The following AMPD1 variants were observed in gnomAD, a reference collection of about 807,000 sequenced individuals.
AMPD1 encodes AMP deaminase 1.
AMPD1 carries 74 observed loss-of-function variants against 82.9 expected under a neutral mutation model. The ratio of observed to expected loss-of-function variants is 0.89; its 90% CI spans 0.74 to 1.08. The LOEUF (loss-of-function observed/expected upper bound fraction) is 1.08, where lower values mean the gene tolerates loss of function less well. Among genes scored for constraint, AMPD1 ranks in the 50% least tolerant of loss-of-function variants. The pLI, the probability that AMPD1 is intolerant of heterozygous loss-of-function variation, is 0.00. For synonymous variants in AMPD1, 333 were observed against 320.5 expected (o/e 1.04, Z -0.42); for missense variants, 881 against 924.5 (o/e 0.95, Z 0.61).
chr1:114,685,018 G>A (rs1658269115), intron 4 of AMPD1, among the ~76,000 whole-genome samples: 1 of 152,158 alleles, frequency 6.6e-6, no homozygotes, highest in African/African-American at 2.4e-5. Context: ...CCAACTCCTG[G>A]TTGGGCCAGG....
intron 3 of AMPD1, among the ~76,000 whole-genome samples, chr1:114,687,959 C>G (rs1658369030): frequency 6.6e-6 from 1 of 151,968 alleles, no homozygotes; most frequent in Admixed American, 6.6e-5. Flanking sequence ...AGCCATTTGC[C>G]CACTTTGGTC....
In AMPD1 at chr1:114,677,964, G is replaced by A. The variant is rs566349141; in HGVS notation, c.1170C>T (p.Leu390=). ...NPVGASELRD[L]YLKTDNYING... is the part of the protein sequence containing the mutation. ...TAATGTAATTGTCTGTCTTCAAGTA[G>A]AGGTCCCGTAGCTCACTTGCTCCTA... is the stretch of plus-strand genomic sequence containing the variant. Residue 390 remains leucine, a synonymous_variant, in exon 9 of 16, where the codon CTC becomes CTT. Transcript: ENST00000520113. 1.9e-6 allele frequency: 3 copies of A among 1,613,962 alleles called. No homozygotes were observed. In the African/African-American group the frequency reaches 4.0e-5, roughly 22 times the overall value.
Position 114,680,446 on chromosome 1 carries a change from G to A in AMPD1, c.580C>T (p.Pro194Ser). Residue 194 changes from proline to serine, a missense_variant, in exon 6 of 16, where the codon CCC (proline) becomes TCC (serine). By Grantham distance (74) the Pro-to-Ser change is moderately conservative. This residue lies in a region of AMPD1 where 783 missense variants were observed against 786.4 expected (regional missense o/e 1.00). Coordinates refer to ENST00000520113, the MANE Select transcript of AMPD1 (RefSeq NM_000036.3). The part of the protein sequence containing the change: ...FTPPVKKGED[P>S]FRTDNLPENL... ...TCAGGAAGGTTGTCTGTTCGGAAGG[G>A]GTCCTCTCCCTTCTTCACAGGAGGA... 1 of 1,614,064 alleles carries A rather than the reference G, an allele frequency of 6.2e-7. No homozygotes were observed. The highest frequency in any genetic ancestry group is 8.5e-7 in the Non-Finnish European group (1 of 1,180,016).
At chr1:114,690,265 T>A (rs1302007091) in intron 2 of AMPD1, among the ~76,000 whole-genome samples, 1 of 152,230 alleles carries the variant, frequency 6.6e-6, no homozygotes, top group Non-Finnish European at 1.5e-5. Context: ...GGCAAGGCTG[T>A]TGTGACACTA....
intron 4 of AMPD1, 145 bp from the exon 5 acceptor site, chr1:114,684,509 T>A: frequency 1.2e-6 from 1 of 834,090 alleles, no homozygotes; most frequent in South Asian, 1.5e-5. Flanking sequence ...GCTTCTTAAT[T>A]GACTTGGGAC....
chr1:114,680,453 T>C lies in AMPD1; in HGVS notation c.573A>G (p.Gly191=). The stretch of plus-strand genomic sequence containing the variant: ...GGTTGTCTGTTCGGAAGGGGTCCTC[T>C]CCCTTCTTCACAGGAGGAGTAAAGA... ...YPVFTPPVKK[G]EDPFRTDNLP... Residue 191 remains glycine, a synonymous_variant, in exon 6 of 16, where the codon GGA becomes GGG. Coordinates refer to ENST00000520113, the MANE Select transcript of AMPD1 (RefSeq NM_000036.3). 1.9e-6 allele frequency: 3 copies of C among 1,614,098 alleles called. No individual in the cohort carries two copies. The highest frequency in any genetic ancestry group is 2.7e-5 in the African/African-American group (2 of 75,028).
At chr1:114,680,620 T>C in intron 5 of AMPD1, 142 bp from the exon 6 acceptor site, 2 of 717,446 alleles carry the variant, frequency 2.8e-6, no homozygotes, top group Non-Finnish European at 4.8e-6. Context: ...TAAGCTAACC[T>C]TTATTTTTGC....
At chr1:114,693,938 A>T (rs1355555716) in intron 1 of AMPD1, among the ~76,000 whole-genome samples, 3 of 152,222 alleles carry the variant, frequency 2.0e-5, no homozygotes, top group African/African-American at 7.2e-5. Context: ...GCAGTGGCTC[A>T]CGCCTATAAT....
At position 114,684,189 on chromosome 1, in the gene AMPD1, G is replaced by A. The variant is rs1341993879; in HGVS notation, c.547+10C>T. On this transcript the variant is annotated intron_variant, in intron 5 of 15. Transcript: ENST00000520113. Reference sequence around the variant, plus strand: ...AATATGTTTCATACATTATGTAAGAGAATTGTTACCTGGATAGAAGCTCTC... The same window carrying A: ...AATATGTTTCATACATTATGTAAGAAAATTGTTACCTGGATAGAAGCTCTC... 13 of 1,613,584 alleles carry A rather than the reference G, an allele frequency of 8.1e-6. No individual in the cohort carries two copies. The highest frequency in any genetic ancestry group is 2.2e-5 in the East Asian group (1 of 44,888).
In AMPD1 at chr1:114,680,416, G is replaced by T; in HGVS notation, c.610C>A (p.Leu204Met). ...TCCTTCATTTTGAGGTGATAGCCCA[G>T]GTTTTCAGGAAGGTTGTCTGTTCGG... ...PFRTDNLPEN[L>M]GYHLKMKDGV... Residue 204 changes from leucine to methionine, a missense_variant, in exon 6 of 16, where the codon CTG becomes ATG. Physicochemically the swap from Leu to Met is conservative, Grantham distance 15 (BLOSUM62 2). This residue lies in a region of AMPD1 where 783 missense variants were observed against 786.4 expected (regional missense o/e 1.00). Transcript: ENST00000520113. 6.2e-7 allele frequency: 1 copy of T among 1,614,196 alleles called. No homozygotes were observed. Among genetic ancestry groups the T allele is most frequent in the Non-Finnish European group, 8.5e-7 (1 of 1,180,036 alleles).
Position 114,688,663 on chromosome 1 carries a change from A to G in AMPD1, c.113T>C (p.Ile38Thr), listed in dbSNP as rs1317336299. The change falls in exon 3 of 16, where the codon ATT (isoleucine) becomes ACT (threonine). Residue 38 changes from isoleucine to threonine, a missense_variant. Transcript: ENST00000520113. ...GATCTCATCCACATCAAAGGGGGAA[A>G]TCTCCTGACGACCTCCTTCATCTTT... ...EVKDEGGRQEISPFDVDEICP... is the reference protein window; with the variant it reads ...EVKDEGGRQETSPFDVDEICP... The G allele has an allele frequency of 1.9e-6, 3 of 1,614,078 alleles. No individual in the cohort carries two copies. The highest frequency in any genetic ancestry group is 2.5e-6 in the Non-Finnish European group (3 of 1,180,052).
chr1:114,681,854 C>A (rs1015243398), intron 5 of AMPD1, among the ~76,000 whole-genome samples: 1 of 152,072 alleles, frequency 6.6e-6, no homozygotes, highest in African/African-American at 2.4e-5. Flanking sequence ...AGTTTCACTC[C>A]CCTAAGAATC....
rs1657897190 is a variant in AMPD1 at position 114,673,656 on chromosome 1, A to G, written c.2068T>C (p.Cys690Arg). ...CEVARNSVLQCGISHEEKVKF... is the reference protein window; with the variant it reads ...CEVARNSVLQRGISHEEKVKF... ...AGGTCTACCTCATGAGAAATTCCAC[A>G]CTGCAAGACACTGTTCCTTGCCACT... The change falls in exon 15 of 16, where the codon TGT becomes CGT. Residue 690 changes from cysteine to arginine, a missense_variant. Cys to Arg is a radical substitution (Grantham distance 180). Coordinates refer to ENST00000520113, the MANE Select transcript of AMPD1 (RefSeq NM_000036.3). The G allele has an allele frequency of 6.2e-7, 1 of 1,613,750 alleles. No individual in the cohort carries two copies. The highest frequency in any genetic ancestry group is 1.7e-5 in the Admixed American group (1 of 60,002).
chr1:114,687,058 T>C (rs1311100936), intron 3 of AMPD1, 148 bp from the exon 4 acceptor site: 2 of 814,262 alleles, frequency 2.5e-6, no homozygotes, highest in African/African-American at 1.7e-5. Context: ...GATCCAAGCA[T>C]AGTGGGAGGA....
chr1:114,674,627 AT>A, intron 13 of AMPD1, 124 bp downstream of exon 13: 1 of 1,238,866 alleles, frequency 8.1e-7, no homozygotes, highest in South Asian at 1.4e-5. Context: ...AAACTAAAAA[AT>A]CTTTTATGCT....
chr1:114,674,425 AC>A (rs1317227727), intron 13 of AMPD1, among the ~76,000 whole-genome samples: 2 of 152,218 alleles, frequency 1.3e-5, no homozygotes, highest in African/African-American at 2.4e-5. Context: ...TCACAAAAAA[AC>A]ATCTTGAAGC....
At chr1:114,686,990 C>T (rs914749640) in intron 3 of AMPD1, 80 bp from the exon 4 acceptor site, 2 of 1,449,146 alleles carry the variant, frequency 1.4e-6, no homozygotes, top group Non-Finnish European at 1.9e-6. Flanking sequence ...TTTCTCTATA[C>T]AATTTTATTC....
intron 1 of AMPD1, among the ~76,000 whole-genome samples, chr1:114,694,053 T>C (rs1658600480): frequency 1.3e-5 from 2 of 152,118 alleles, no homozygotes; most frequent in Non-Finnish European, 2.9e-5. Flanking sequence ...ACACCGTCTC[T>C]ACTAAAAATA....
intron 3 of AMPD1, among the ~76,000 whole-genome samples, chr1:114,687,552 A>T (rs993635469): frequency 6.6e-6 from 1 of 152,138 alleles, no homozygotes; most frequent in African/African-American, 2.4e-5. Flanking sequence ...ACAGCAGAAT[A>T]GTCTTTTCCC....
Sources: allele counts gnomAD v4.1 joint callset (sites outside exome capture counted in the v4.1 genomes callset), GRCh38; gene constraint gnomAD v4.1.1; regional missense constraint gnomAD v4.1.1; transcripts MANE v1.5; gene names NCBI Gene and HGNC (gene_info 2026-07-23, HGNC 2026-07-21).